Variants in PLCG2 observed in about 807,000 individuals in gnomAD.
PLCG2 encodes the protein 1-phosphatidylinositol 4,5-bisphosphate phosphodiesterase gamma-2.
In PLCG2, 69 loss-of-function variants were observed where a neutral mutation model predicts 175.6. The observed-to-expected ratio is 0.39, with a 90% CI of 0.32 to 0.48. The LOEUF (loss-of-function observed/expected upper bound fraction) is 0.48. PLCG2 is among the 20% of genes least tolerant of loss of function. The pLI, the probability that PLCG2 is intolerant of heterozygous loss-of-function variation, is 0.91. For synonymous variants in PLCG2, 827 were observed against 624.0 expected (o/e 1.33, Z -4.85); for missense variants, 1,798 against 1,650.9 (o/e 1.09, Z -1.54).
At position 81,833,843 on chromosome 16, in the gene PLCG2, C is replaced by T. The variant is rs963689274; in HGVS notation, c.194-20601C>T. On this transcript the variant is annotated intron_variant, in intron 2 of 32. Coordinates refer to ENST00000564138, the MANE Select transcript of PLCG2 (RefSeq NM_002661.5). ...GGTTACAAGCATGAGCCACGGCGCCCGGCCTCCTGTGTGTCTTGCCTAACG... is the reference window on the plus strand; with the variant it reads ...GGTTACAAGCATGAGCCACGGCGCCTGGCCTCCTGTGTGTCTTGCCTAACG... Among the ~76,000 whole-genome samples the T allele has an allele frequency of 7.2e-5, 11 of 152,254 alleles. No homozygotes were observed. The East Asian group carries it at 7.7e-4, about 11-fold the overall frequency.
chr16:81,939,239 A>T (rs1910839859), intron 29 of PLCG2, among the ~76,000 whole-genome samples: 1 of 152,178 alleles, frequency 6.6e-6, no homozygotes, highest in Non-Finnish European at 1.5e-5. Context: ...GCAGAGACAC[A>T]GAGAGAGGGG....
chr16:81,920,266 C>T (rs1466719223), intron 20 of PLCG2, among the ~76,000 whole-genome samples: 1 of 152,168 alleles, frequency 6.6e-6, no homozygotes, highest in Non-Finnish European at 1.5e-5. Flanking sequence ...GTTACTTTGT[C>T]TCCATTCCTA....
chr16:81,771,922 T>C (rs1910289655), intron 2 of PLCG2, among the ~76,000 whole-genome samples: 3 of 152,120 alleles, frequency 2.0e-5, no homozygotes, highest in Admixed American at 6.6e-5. Flanking sequence ...TAGCTGGGAC[T>C]ACAGGCTGTG....
At position 81,928,544 on chromosome 16, in the gene PLCG2, T is replaced by G. The variant is rs201412321; in HGVS notation, c.2515-14T>G. ...CGTTACAACTAACGTGAGTTATGTC[T>G]TGTTTCTTCACAGATTATTGAAGAC... On this transcript the variant is annotated splice_polypyrimidine_tract_variant and intron_variant, in intron 23 of 32. Coordinates refer to ENST00000564138, the MANE Select transcript of PLCG2 (RefSeq NM_002661.5). 205 of 1,565,608 alleles carry G rather than the reference T, an allele frequency of 1.3e-4. No homozygotes were observed. The African/African-American group carries it at 2.4e-3, about 19-fold the overall frequency.
Position 81,927,137 on chromosome 16 carries a change from G to A in PLCG2, c.2473G>A (p.Glu825Lys), listed in dbSNP as rs768839912. Residue 825 changes from glutamate to lysine, a missense_variant, in exon 23 of 33, where the codon GAG (glutamate) becomes AAG (lysine). Coordinates refer to ENST00000564138, the MANE Select transcript of PLCG2 (RefSeq NM_002661.5). ...GCAGTACTTCCCATCCAACTACGTC[G>A]AGGACATCTCAACTGCAGACTTCGA... is the stretch of plus-strand genomic sequence containing the variant. ...IQQYFPSNYV[E>K]DISTADFEEL... The A allele has an allele frequency of 3.8e-5, 61 of 1,613,768 alleles. No homozygotes were observed. Among genetic ancestry groups the A allele is most frequent in the Non-Finnish European group, 4.7e-5 (56 of 1,179,770 alleles).
At chr16:81,917,061 G>T (rs1157371808) in intron 19 of PLCG2, among the ~76,000 whole-genome samples, 1 of 151,998 alleles carries the variant, frequency 6.6e-6, no homozygotes, top group Non-Finnish European at 1.5e-5. Context: ...ACCTCCCCCT[G>T]CCCCGGACCC....
intron 31 of PLCG2, among the ~76,000 whole-genome samples, chr16:81,955,067 A>T (rs1329664266): frequency 6.6e-6 from 1 of 152,186 alleles, no homozygotes; most frequent in Non-Finnish European, 1.5e-5. Flanking sequence ...AAGTGAAGTC[A>T]TTACTGACTC....
chr16:81,750,402 GAT>G (rs1909784465), intron 1 of PLCG2, among the ~76,000 whole-genome samples: 1 of 123,684 alleles, frequency 8.1e-6, no homozygotes, highest in Non-Finnish European at 1.6e-5. Context: ...CCTGGGTGGT[GAT>G]AGAGTGAGAC....
At chr16:81,742,537 G>A (rs901209315) in intron 1 of PLCG2, among the ~76,000 whole-genome samples, 1 of 152,196 alleles carries the variant, frequency 6.6e-6, no homozygotes, top group African/African-American at 2.4e-5. Flanking sequence ...GCCAGGAAAG[G>A]AACGTCCCAT....
chr16:81,960,581 G>A lies in PLCG2; in HGVS notation c.*2583G>A, dbSNP rs1567551705. 1 of 231,618 alleles carries A rather than the reference G, an allele frequency of 4.3e-6. No homozygotes were observed. Among genetic ancestry groups the A allele is most frequent in the South Asian group, 1.8e-4 (1 of 5,524 alleles). The allele number at this position is 231,618 out of a possible 1,614,324, so 14.3% of individuals were successfully genotyped here. A position where few individuals can be genotyped will look rare whatever the true frequency, so the allele number is the denominator to read the frequency against. Reference sequence around the variant, plus strand: ...TTTCTACTGTGAGACTAGATGTGCAGGAGTGAAAGGTGTAGAGGGTCTTGT... The same window carrying A: ...TTTCTACTGTGAGACTAGATGTGCAAGAGTGAAAGGTGTAGAGGGTCTTGT... On this transcript the variant is annotated 3_prime_UTR_variant, in exon 33 of 33. Transcript: ENST00000564138.
intron 2 of PLCG2, among the ~76,000 whole-genome samples, chr16:81,772,155 C>T (rs1312140690): frequency 6.6e-6 from 1 of 152,096 alleles, no homozygotes; most frequent in African/African-American, 2.4e-5. Flanking sequence ...TCAGGGTGGA[C>T]ACTCAATCAG....
chr16:81,866,907 G>A (rs1429540808), intron 5 of PLCG2, among the ~76,000 whole-genome samples: 1 of 152,252 alleles, frequency 6.6e-6, no homozygotes, highest in Non-Finnish European at 1.5e-5. Context: ...GGCTGAGGCA[G>A]AAAGGTTCTT....
At position 81,905,648 on chromosome 16, in the gene PLCG2, C is replaced by G. The variant is rs760152713; in HGVS notation, c.1467+141C>G. 2.4e-5 allele frequency: 15 copies of G among 630,190 alleles called. No homozygotes were observed. The East Asian group carries it at 3.1e-4, about 13-fold the overall frequency. The allele number at this position is 630,190 out of a possible 1,614,324, so 39.0% of individuals were successfully genotyped here. The stretch of plus-strand genomic sequence containing the variant: ...AGTTTTTGCCATGTGAATTTACCTT[C>G]CTTCTTAAACTTTATTTATTTATGT... On this transcript the variant is annotated intron_variant, in intron 15 of 32. Transcript: ENST00000564138.
At chr16:81,937,995 A>G (rs1443159963) in intron 28 of PLCG2, 92 bp downstream of exon 28, 4 of 1,216,172 alleles carry the variant, frequency 3.3e-6, no homozygotes, top group Non-Finnish European at 4.7e-6. Flanking sequence ...ACCCATGTCT[A>G]GGGAGGCTGG....
At chr16:81,933,434 C>T (rs1567539207) in intron 25 of PLCG2, among the ~76,000 whole-genome samples, 1 of 152,178 alleles carries the variant, frequency 6.6e-6, no homozygotes, top group Non-Finnish European at 1.5e-5. Flanking sequence ...GTAGCCACCT[C>T]ATTGATGGCA....
intron 7 of PLCG2, among the ~76,000 whole-genome samples, chr16:81,876,606 A>T (rs139504585): frequency 5.9e-5 from 9 of 152,286 alleles, no homozygotes; most frequent in African/African-American, 2.2e-4. Flanking sequence ...TACCAGAAGA[A>T]ATTAGTTTAT....
chr16:81,811,286 C>A (rs1303530373), intron 2 of PLCG2, among the ~76,000 whole-genome samples: 1 of 152,012 alleles, frequency 6.6e-6, no homozygotes, highest in South Asian at 2.1e-4. Context: ...GACTAGAGAT[C>A]GGGTATGTAA....
intron 4 of PLCG2, among the ~76,000 whole-genome samples, chr16:81,858,873 A>C (rs1379540156): frequency 6.6e-6 from 1 of 151,840 alleles, no homozygotes; most frequent in African/African-American, 2.4e-5. Flanking sequence ...GGATTAAATG[A>C]CTATCATCAG....
chr16:81,783,960 A>C (rs1458798430), intron 1 of PLCG2, among the ~76,000 whole-genome samples: 2 of 152,030 alleles, frequency 1.3e-5, no homozygotes, highest in Non-Finnish European at 2.9e-5. Context: ...GCTTTTTCTG[A>C]GCCCTTTAAG....
Sources: allele counts gnomAD v4.1 joint callset (sites outside exome capture counted in the v4.1 genomes callset), GRCh38; gene constraint gnomAD v4.1.1; transcripts MANE v1.5; gene names NCBI Gene and HGNC (gene_info 2026-07-23, HGNC 2026-07-21).